The following LRP5 variants were observed in gnomAD, a reference collection of about 807,000 sequenced individuals.
LRP5 encodes the protein low-density lipoprotein receptor-related protein 5.
Under a neutral mutation model 154.1 loss-of-function variants are expected in LRP5, and 62 were observed. The ratio of observed to expected loss-of-function variants is 0.40; its 90% confidence interval spans 0.33 to 0.50. The LOEUF is 0.50. Among genes scored for constraint, LRP5 ranks in the 20% least tolerant of loss-of-function variants. The probability of loss-of-function intolerance (pLI) is 0.55; values close to 1 mark genes in which losing one functional copy is unlikely to be tolerated. For missense variants in LRP5, 1,915 were observed against 2,336.7 expected (o/e 0.82, Z 3.72); for synonymous variants, 966 against 1,011.5 (o/e 0.96, Z 0.85).
At chr11:68,313,246 G>A (rs2098590044) in intron 1 of LRP5, among the ~76,000 whole-genome samples, 1 of 151,796 alleles carries the variant, frequency 6.6e-6, no homozygotes, top group Admixed American at 6.6e-5. Flanking sequence ...CGCGTGCTCC[G>A]AGGACGGGCT....
chr11:68,449,202 TGA>T lies in LRP5; in HGVS notation c.*133_*134del. ...TTAAAAACATGAGAAATGTGAACTG[TGA>T]TGGGGTGGGCAGGGCTGGGAGAACT... On this transcript the variant is annotated 3_prime_UTR_variant, in exon 23 of 23. Coordinates refer to ENST00000294304, the MANE Select transcript of LRP5 (RefSeq NM_002335.4). The T allele has an allele frequency of 9.8e-6, 6 of 612,754 alleles. No individual in the cohort carries two copies. The highest frequency in any genetic ancestry group is 5.6e-5 in the African/African-American group (3 of 53,536). 38.0% of individuals were successfully genotyped at this position (612,754 alleles called of 1,614,324 possible).
At chr11:68,300,356 C>T in the LRP5 span, among the ~76,000 whole-genome samples, 13 of 149,330 alleles carry the variant, frequency 8.7e-5, 1 homozygote, top group South Asian at 4.2e-4. Context: ...GCCACTTCCT[C>T]GCTGCATGAC....
At chr11:68,442,183 T>C (rs1174074944) in intron 21 of LRP5, among the ~76,000 whole-genome samples, 1 of 152,236 alleles carries the variant, frequency 6.6e-6, no homozygotes, top group Non-Finnish European at 1.5e-5. Context: ...CTGCCTGGTT[T>C]CCCCCAGTGC....
intron 1 of LRP5, among the ~76,000 whole-genome samples, chr11:68,345,098 G>T (rs1203106932): frequency 6.6e-6 from 1 of 151,050 alleles, no homozygotes; most frequent in Non-Finnish European, 1.5e-5. Context: ...CCTGACTTCA[G>T]GTGATCCACC....
At chr11:68,300,979 G>T in the LRP5 span, among the ~76,000 whole-genome samples, 1 of 147,596 alleles carries the variant, frequency 6.8e-6, no homozygotes, top group African/African-American at 2.4e-5. Flanking sequence ...GCCCAGGCTG[G>T]AGTGCAATGA....
chr11:68,318,042 A>AT (rs915399617), intron 1 of LRP5, among the ~76,000 whole-genome samples: 6 of 150,568 alleles, frequency 4.0e-5, no homozygotes, highest in Non-Finnish European at 5.9e-5. Context: ...CCTTAATGTA[A>AT]TTTTTTTTGA....
the LRP5 span, among the ~76,000 whole-genome samples, chr11:68,304,947 T>C: frequency 6.6e-6 from 1 of 152,256 alleles, no homozygotes; most frequent in Middle Eastern, 3.4e-3. Context: ...AGATGAGACG[T>C]TGGACTTGGG....
At chr11:68,340,979 C>T in intron 1 of LRP5, among the ~76,000 whole-genome samples, 1 of 149,156 alleles carries the variant, frequency 6.7e-6, no homozygotes, top group East Asian at 1.9e-4. Context: ...GTTGTTACCG[C>T]AGTCATTTTG....
chr11:68,437,009 C>T lies in LRP5; in HGVS notation c.4111+10C>T. The T allele has an allele frequency of 6.2e-7, 1 of 1,610,978 alleles. No homozygotes were observed. The highest frequency in any genetic ancestry group is 1.7e-4 in the Middle Eastern group (1 of 6,054). On this transcript the variant is annotated intron_variant, in intron 19 of 22. Transcript: ENST00000294304. ...GACGAGCTCATGTGTGGTGAGCCAG[C>T]TTCTGGCACGGGGAAGGGGCGTCCG...
At chr11:68,436,790 C>A in intron 18 of LRP5, 99 bp from the exon 19 acceptor site, 1 of 832,936 alleles carries the variant, frequency 1.2e-6, no homozygotes, top group Non-Finnish European at 2.1e-6. Context: ...TCCCATCTGT[C>A]TGCTCTCTGT....
Position 68,405,784 on chromosome 11 carries a change from T to C in LRP5, c.1802-740T>C, listed in dbSNP as rs539750017. 7.9e-4 allele frequency among the ~76,000 whole-genome samples: 120 copies of C among 152,388 alleles called. 1 individual carries two copies. The highest frequency in any genetic ancestry group is 2.8e-3 in the African/African-American group (115 of 41,588). On this transcript the variant is annotated intron_variant, in intron 8 of 22. Transcript: ENST00000294304. Reference sequence around the variant, plus strand: ...AAAAATAAACGAACGGTCTGTACTATGTGAAAAAGAGGCAGCTTTGGCCAT... The same window carrying C: ...AAAAATAAACGAACGGTCTGTACTACGTGAAAAAGAGGCAGCTTTGGCCAT...
intron 20 of LRP5, among the ~76,000 whole-genome samples, chr11:68,439,349 G>A (rs1341384016): frequency 1.3e-5 from 2 of 152,204 alleles, no homozygotes; most frequent in African/African-American, 4.8e-5. Flanking sequence ...GGCCTCATTG[G>A]GAGCCTGTTG....
upstream of LRP5, among the ~76,000 whole-genome samples, chr11:68,309,399 A>ATG (rs1555061046): frequency 6.6e-6 from 1 of 151,098 alleles, no homozygotes; most frequent in Non-Finnish European, 1.5e-5. Context: ...TGCCCAGCTA[A>ATG]TTTTTTGTAT....
intron 18 of LRP5, among the ~76,000 whole-genome samples, chr11:68,434,436 C>T (rs763581616): frequency 1.3e-5 from 2 of 152,022 alleles, no homozygotes; most frequent in Non-Finnish European, 2.9e-5. Flanking sequence ...CTGGAGTGCC[C>T]TGGTGTAATC....
rs574157220 is a variant in LRP5 at position 68,389,411 on chromosome 11, C to A, written c.1413-470C>A. Among the ~76,000 whole-genome samples, 3 of 152,364 alleles carry A rather than the reference C, an allele frequency of 2.0e-5. No individual in the cohort carries two copies. The South Asian group carries it at 6.2e-4, about 32-fold the overall frequency. ...ATTTACCAACACCAGCATCTACCAA[C>A]ACCGACATTTACCAACACTGACATT... On this transcript the variant is annotated intron_variant, in intron 6 of 22. Coordinates refer to ENST00000294304, the MANE Select transcript of LRP5 (RefSeq NM_002335.4).
chr11:68,299,583 GTCTTTTTTTTT>G, the LRP5 span, among the ~76,000 whole-genome samples: 1 of 146,488 alleles, frequency 6.8e-6, no homozygotes, highest in African/African-American at 2.5e-5. Flanking sequence ...GGAAGGGCCA[GTCTTTTTTTTT>G]TTTTTTTTTT....
intron 3 of LRP5, among the ~76,000 whole-genome samples, chr11:68,360,813 C>T (rs1302685940): frequency 2.6e-5 from 4 of 150,960 alleles, no homozygotes; most frequent in Admixed American, 6.6e-5. Context: ...CTGGCTAACA[C>T]GGTGAAACCT....
At chr11:68,395,296 A>G (rs1335523927) in intron 7 of LRP5, among the ~76,000 whole-genome samples, 4 of 131,778 alleles carry the variant, frequency 3.0e-5, no homozygotes, top group Admixed American at 2.5e-4. Context: ...GTGAGACTCC[A>G]TCTCAAAAAA....
chr11:68,316,932 C>T (rs2098593743), intron 1 of LRP5, among the ~76,000 whole-genome samples: 1 of 152,270 alleles, frequency 6.6e-6, no homozygotes, highest in South Asian at 2.1e-4. Context: ...GCTTTGGAAA[C>T]ACTTAATGCG....
Sources: allele counts gnomAD v4.1 joint callset (sites outside exome capture counted in the v4.1 genomes callset), GRCh38; gene constraint gnomAD v4.1.1; transcripts MANE v1.5; gene names NCBI Gene and HGNC (gene_info 2026-07-23, HGNC 2026-07-21).